Variants in DISC1 observed in about 807,000 individuals in gnomAD.
DISC1 encodes the protein DISC1 scaffold protein.
In DISC1, 57 loss-of-function variants were observed where a neutral mutation model predicts 84.5. That is an observed-to-expected ratio of 0.67 (90% CI 0.55 to 0.84). DISC1 has a LOEUF of 0.84. DISC1 is among the 40% of genes least tolerant of loss of function. The pLI, the probability that DISC1 is intolerant of heterozygous loss-of-function variation, is 0.00. For missense variants in DISC1, 1,000 were observed against 1,057.8 expected (o/e 0.95, Z 0.76); for synonymous variants, 411 against 415.2 (o/e 0.99, Z 0.12).
chr1:231,845,845 C>G (rs1357946871), intron 9 of DISC1, among the ~76,000 whole-genome samples: 1 of 151,998 alleles, frequency 6.6e-6, no homozygotes, highest in African/African-American at 2.4e-5. Flanking sequence ...AGCTTGGTGG[C>G]TCAGTTTGGG....
intron 9 of DISC1, among the ~76,000 whole-genome samples, chr1:231,933,018 C>G (rs1408839570): frequency 6.6e-6 from 1 of 152,144 alleles, no homozygotes; most frequent in Non-Finnish European, 1.5e-5. Context: ...CTATACCACC[C>G]GAGCATCACC....
chr1:231,662,190 G>A (rs2061616285), intron 1 of DISC1, among the ~76,000 whole-genome samples: 1 of 152,356 alleles, frequency 6.6e-6, no homozygotes, highest in East Asian at 1.9e-4. Flanking sequence ...GGTGGCTGGA[G>A]ACCCCTGTTT....
chr1:231,761,792 G>A (rs936274771), intron 4 of DISC1, among the ~76,000 whole-genome samples: 4 of 152,082 alleles, frequency 2.6e-5, no homozygotes, highest in African/African-American at 7.2e-5. Flanking sequence ...GAATATAAAC[G>A]GCTTCTGGAT....
At chr1:231,814,442 T>C (rs916934569) in intron 8 of DISC1, among the ~76,000 whole-genome samples, 1 of 152,254 alleles carries the variant, frequency 6.6e-6, no homozygotes, top group Non-Finnish European at 1.5e-5. Context: ...CTGATATAGC[T>C]CTTTTAGATG....
intron 8 of DISC1, among the ~76,000 whole-genome samples, chr1:231,811,108 A>G (rs969557788): frequency 6.6e-6 from 1 of 152,176 alleles, no homozygotes; most frequent in East Asian, 1.9e-4. Flanking sequence ...CTTGTATTCT[A>G]TGAAATATAT....
chr1:231,961,842 C>T (rs548297248), intron 10 of DISC1, among the ~76,000 whole-genome samples: 22 of 152,282 alleles, frequency 1.4e-4, no homozygotes, highest in Admixed American at 1.0e-3. Context: ...GATGAACATA[C>T]GAGAGCATGT....
chr1:231,680,973 A>G (rs1406309074), intron 1 of DISC1, among the ~76,000 whole-genome samples: 1 of 152,184 alleles, frequency 6.6e-6, no homozygotes, highest in East Asian at 1.9e-4. Context: ...AAGAGCAGAA[A>G]CTTAAGTTGT....
At chr1:231,663,975 T>A (rs557955505) in intron 1 of DISC1, among the ~76,000 whole-genome samples, 1 of 152,196 alleles carries the variant, frequency 6.6e-6, no homozygotes, top group African/African-American at 2.4e-5. Context: ...ATGGCCAAAC[T>A]GTTTAATTTT....
chr1:231,923,313 AAAAAAC>A (rs1259550655), intron 9 of DISC1, among the ~76,000 whole-genome samples: 6 of 151,180 alleles, frequency 4.0e-5, no homozygotes, highest in Non-Finnish European at 7.4e-5. Context: ...AAACCAAAAA[AAAAAAC>A]AAAAAGAAAA....
chr1:231,678,877 C>T lies in DISC1; in HGVS notation c.68-14949C>T, dbSNP rs1262874633. 3.3e-5 allele frequency among the ~76,000 whole-genome samples: 5 copies of T among 152,062 alleles called. No homozygotes were observed. In the East Asian group the frequency reaches 5.8e-4, roughly 18 times the overall value. Reference sequence around the variant, plus strand: ...ATTTTTAGTAGAGACAGGGTTTCACCGTGTTAGCCAGGATGGTCTCGATCT... The same window carrying T: ...ATTTTTAGTAGAGACAGGGTTTCACTGTGTTAGCCAGGATGGTCTCGATCT... On this transcript the variant is annotated intron_variant, in intron 1 of 12. Transcript: ENST00000439617.
intron 1 of DISC1, among the ~76,000 whole-genome samples, chr1:231,672,721 T>G (rs563468338): frequency 2.0e-5 from 3 of 152,320 alleles, no homozygotes; most frequent in African/African-American, 7.2e-5. Context: ...ATTTCTGCCT[T>G]TCAGACAGCT....
In DISC1 at chr1:231,713,764, G is replaced by GATATATATATAGGAGAT. The variant is rs2068244800; in HGVS notation, c.1117+11750_1117+11766dup. ...ATATATAGGAGATATATATATAGGAGATATATATATAGGAGATATATATAT... is the reference window on the plus strand; with the variant it reads ...ATATATAGGAGATATATATATAGGAGATATATATATAGGAGATATATATATATAGGAGATATATATAT... On this transcript the variant is annotated intron_variant, in intron 3 of 12. Coordinates refer to ENST00000439617, the MANE Select transcript of DISC1 (RefSeq NM_018662.3). Among the ~76,000 whole-genome samples the GATATATATATAGGAGAT allele has an allele frequency of 4.4e-5, 6 of 135,678 alleles. No individual in the cohort carries two copies. The East Asian group carries it at 6.2e-4, about 14-fold the overall frequency. 89.0% of individuals were successfully genotyped at this position (135,678 alleles called of 152,430 possible).
chr1:231,679,075 G>C (rs901787715), intron 1 of DISC1, among the ~76,000 whole-genome samples: 3 of 152,170 alleles, frequency 2.0e-5, no homozygotes, highest in African/African-American at 7.2e-5. Flanking sequence ...TCACATGGGC[G>C]ACTTGAATTC....
chr1:231,676,767 A>G (rs1291573456), intron 1 of DISC1, among the ~76,000 whole-genome samples: 1 of 152,228 alleles, frequency 6.6e-6, no homozygotes, highest in Non-Finnish European at 1.5e-5. Flanking sequence ...GTACCAAGAA[A>G]GCTCTATTCC....
chr1:231,868,692 T>A (rs1374532800), intron 9 of DISC1, among the ~76,000 whole-genome samples: 11 of 108,842 alleles, frequency 1.0e-4, no homozygotes, highest in African/African-American at 3.2e-4. Flanking sequence ...ACCCCATCTC[T>A]TATATATATA....
intron 10 of DISC1, among the ~76,000 whole-genome samples, chr1:231,969,345 A>G (rs1452516484): frequency 6.6e-6 from 1 of 152,054 alleles, no homozygotes; most frequent in Non-Finnish European, 1.5e-5. Flanking sequence ...GTCAAGTGGC[A>G]GGGATCCTAG....
intron 9 of DISC1, among the ~76,000 whole-genome samples, chr1:231,824,594 T>G (rs1187397035): frequency 6.6e-6 from 1 of 152,196 alleles, no homozygotes; most frequent in Non-Finnish European, 1.5e-5. Flanking sequence ...ATTTCTAAGC[T>G]TGAAATTTGC....
intron 9 of DISC1, among the ~76,000 whole-genome samples, chr1:231,886,603 GT>G (rs2125993046): frequency 6.6e-6 from 1 of 152,202 alleles, no homozygotes; most frequent in Admixed American, 6.5e-5. Flanking sequence ...TTAAGGTTTT[GT>G]TACTTTGTCC....
intron 6 of DISC1, among the ~76,000 whole-genome samples, chr1:231,794,326 A>C (rs2078593485): frequency 6.6e-6 from 1 of 152,000 alleles, no homozygotes; most frequent in Non-Finnish European, 1.5e-5. Flanking sequence ...CCTAGTTCTA[A>C]ATTGCTGCAC....
Sources: gnomAD v4.1 joint callset for allele counts (sites outside exome capture counted in the v4.1 genomes callset) on GRCh38, gnomAD v4.1.1 for gene constraint, MANE v1.5 for transcripts, NCBI Gene and HGNC (gene_info 2026-07-23, HGNC 2026-07-21) for gene names.